Variants in GABRD observed in about 807,000 individuals in gnomAD.
GABRD encodes gamma-aminobutyric acid receptor subunit delta.
GABRD carries 25 observed loss-of-function variants against 47.3 expected under a neutral mutation model. That is an observed-to-expected ratio of 0.53 (90% CI 0.39 to 0.74). The LOEUF is 0.74. GABRD is among the 30% of genes least tolerant of loss of function. The pLI, the probability that GABRD is intolerant of heterozygous loss-of-function variation, is 0.00. For synonymous variants in GABRD, 314 were observed against 278.8 expected (o/e 1.13, Z -1.26); for missense variants, 497 against 643.4 (o/e 0.77, Z 2.46).
chr1:2,021,760 C>T (rs540751662), intron 1 of GABRD, among the ~76,000 whole-genome samples: 38 of 152,334 alleles, frequency 2.5e-4, no homozygotes, highest in Admixed American at 7.8e-4. Context: ...TGCTCCTCTT[C>T]GCCTTGGTAA....
intron 7 of GABRD, 109 bp downstream of exon 7, chr1:2,029,375 T>C: frequency 3.5e-6 from 5 of 1,435,362 alleles, no homozygotes; most frequent in East Asian, 2.5e-5. Context: ...CCATGCCAGC[T>C]GTCCTGGGGC....
intron 4 of GABRD, chr1:2,027,288 G>A (rs559189486): frequency 1.2e-5 from 6 of 490,738 alleles, no homozygotes; most frequent in South Asian, 2.0e-5. Context: ...CTCGGGCCAG[G>A]GCCTGGGTGT....
rs140855313 is a variant in GABRD at position 2,024,975 on chromosome 1, C to T, written c.102C>T (p.Ser34=). The change falls in exon 2 of 9, where the codon TCC becomes TCT. Residue 34 remains serine (S), a synonymous_variant. Transcript: ENST00000378585. ...AMNDIGDYVG[S]NLEISWLPNL... ...ATGACATCGGCGACTACGTGGGCTCCAACCTGGAGATCTCCTGGCTCCCCA... is the reference window on the plus strand; with the variant it reads ...ATGACATCGGCGACTACGTGGGCTCTAACCTGGAGATCTCCTGGCTCCCCA... 100 of 1,613,006 alleles carry T rather than the reference C, an allele frequency of 6.2e-5. No individual in the cohort carries two copies. In the African/African-American group the frequency reaches 1.2e-3, roughly 19 times the overall value.
Position 2,030,624 on chromosome 1 carries a change from T to A in GABRD, c.*342T>A, listed in dbSNP as rs1240524046. The A allele has an allele frequency of 4.5e-6, 1 of 221,438 alleles. No individual in the cohort carries two copies. The highest frequency in any genetic ancestry group is 2.3e-5 in the African/African-American group (1 of 43,936). 13.7% of individuals were successfully genotyped at this position (221,438 alleles called of 1,614,324 possible). A position where few individuals can be genotyped will look rare whatever the true frequency, so the allele number is the denominator to read the frequency against. ...GATCCTGGTTTCTAGGTCTTTGCTCTGCAGGATCGGGATCAGAGCGTGGGA... is the reference window on the plus strand; with the variant it reads ...GATCCTGGTTTCTAGGTCTTTGCTCAGCAGGATCGGGATCAGAGCGTGGGA... On this transcript the variant is annotated 3_prime_UTR_variant, in exon 9 of 9. Transcript: ENST00000378585.
rs1012547859 is a variant in GABRD at position 2,030,404 on chromosome 1, C to T, written c.*122C>T. 9.1e-6 allele frequency: 8 copies of T among 882,928 alleles called. No individual in the cohort carries two copies. The highest frequency in any genetic ancestry group is 1.7e-5 in the African/African-American group (1 of 57,244). 54.7% of individuals were successfully genotyped at this position (882,928 alleles called of 1,614,324 possible). A position where few individuals can be genotyped will look rare whatever the true frequency, so the allele number is the denominator to read the frequency against. On this transcript the variant is annotated 3_prime_UTR_variant, in exon 9 of 9. Coordinates refer to ENST00000378585, the MANE Select transcript of GABRD (RefSeq NM_000815.5). The stretch of plus-strand genomic sequence containing the variant: ...GCGTGTTTCGAAGTGGGATGACAGT[C>T]GGCCACGGAAAACAAGAGGAAGCCT...
intron 8 of GABRD, 102 bp from the exon 9 acceptor site, chr1:2,029,881 G>A: frequency 6.6e-7 from 1 of 1,517,384 alleles, no homozygotes; most frequent in South Asian, 1.1e-5. Context: ...GGCTGGAGCT[G>A]CTGGTCCAGG....
rs750302215 is a variant in GABRD, at chr1:2,030,035, C to T, written c.1112C>T (p.Thr371Met). The stretch of plus-strand genomic sequence containing the variant: ...TTCTCCCTCTCTGCTGCCGGCGTCA[C>T]GCAGGAGCTGGCCATCTCCCGCCGG... ...VLFSLSAAGV[T>M]QELAISRRQR... The change falls in exon 9 of 9, where the codon ACG becomes ATG. Residue 371 changes from threonine (T) to methionine (M), a missense_variant. Thr to Met is a moderately conservative substitution (Grantham distance 81, BLOSUM62 -1). Coordinates refer to ENST00000378585, the MANE Select transcript of GABRD (RefSeq NM_000815.5). 11 of 1,612,478 alleles carry T rather than the reference C, an allele frequency of 6.8e-6. No individual in the cohort carries two copies. The highest frequency in any genetic ancestry group is 2.2e-5 in the East Asian group (1 of 44,888).
At chr1:2,027,551 C>T (rs1162828522) in intron 4 of GABRD, 26 bp from the exon 5 acceptor site, 2 of 1,602,350 alleles carry the variant, frequency 1.2e-6, no homozygotes, top group African/African-American at 2.7e-5. Flanking sequence ...ACCCCCAAGG[C>T]CTCACTGCCA....
rs1291382332 is a variant in GABRD, at chr1:2,030,388, G to A, written c.*106G>A. 6.1e-5 allele frequency: 62 copies of A among 1,008,682 alleles called. No homozygotes were observed. The highest frequency in any genetic ancestry group is 8.0e-5 in the Non-Finnish European group (58 of 728,254). 62.5% of individuals were successfully genotyped at this position (1,008,682 alleles called of 1,614,324 possible). ...GGCTGCCTTCCCCTCTGCGTGTTTC[G>A]AAGTGGGATGACAGTCGGCCACGGA... On this transcript the variant is annotated 3_prime_UTR_variant, in exon 9 of 9. Coordinates refer to ENST00000378585, the MANE Select transcript of GABRD (RefSeq NM_000815.5).
rs745404851 is a variant in GABRD, at chr1:2,025,406, G to A, written c.249+5G>A. On this transcript the variant is annotated splice_donor_5th_base_variant and intron_variant, in intron 3 of 8. Coordinates refer to ENST00000378585, the MANE Select transcript of GABRD (RefSeq NM_000815.5). ...CACATCTCAGAGGCCAACATGGTAG[G>A]TGCCACCAGCCTCTGCCTCAGGCAC... 1 of 1,612,766 alleles carries A rather than the reference G, an allele frequency of 6.2e-7. No homozygotes were observed. The highest frequency in any genetic ancestry group is 2.2e-5 in the East Asian group (1 of 44,886).
intron 1 of GABRD, among the ~76,000 whole-genome samples, chr1:2,020,986 T>C (rs547633419): frequency 6.6e-6 from 1 of 152,320 alleles, no homozygotes; most frequent in East Asian, 1.9e-4. Flanking sequence ...AGATCCTTAA[T>C]CCTGGCCTGC....
intron 5 of GABRD, 179 bp from the exon 6 acceptor site, chr1:2,027,976 C>T (rs1277928186): frequency 1.6e-5 from 11 of 676,638 alleles, no homozygotes; most frequent in Admixed American, 2.9e-5. Flanking sequence ...TCCACCTGCC[C>T]GGAGGAGCCC....
chr1:2,025,137 C>T (rs1243052361), intron 2 of GABRD, 83 bp downstream of exon 2: 12 of 1,350,252 alleles, frequency 8.9e-6, no homozygotes, highest in Non-Finnish European at 1.1e-5. Context: ...GGGCTGTAGG[C>T]TGGCCTCTAG....
chr1:2,028,377 C>T lies in GABRD; in HGVS notation c.691+85C>T. 2 of 1,311,414 alleles carry T rather than the reference C, an allele frequency of 1.5e-6. No individual in the cohort carries two copies. Among genetic ancestry groups the T allele is most frequent in the Non-Finnish European group, 2.0e-6 (2 of 1,017,950 alleles). The allele number at this position is 1,311,414 out of a possible 1,614,324, so 81.2% of individuals were successfully genotyped here. ...CGCCCCTTCCGCGCGCGCCCACCGC[C>T]CCTTCCGCGTGCGCCCGCCTGTGGT... On this transcript the variant is annotated intron_variant, in intron 6 of 8. Transcript: ENST00000378585. The surrounding 1 kb of genome is among the most constrained non-coding windows in gnomAD (Gnocchi z 6.4).
chr1:2,029,818 C>T lies in GABRD; in HGVS notation c.1059+56C>T, dbSNP rs1030990864. 8 of 1,533,506 alleles carry T rather than the reference C, an allele frequency of 5.2e-6. No individual in the cohort carries two copies. The African/African-American group carries it at 6.8e-5, about 13-fold the overall frequency. The allele number at this position is 1,533,506 out of a possible 1,614,324, so 95.0% of individuals were successfully genotyped here. ...ACTGCTGGGGGCCCCAACCAGGACC[C>T]TTCAGCTGCCCCAGCCCACTGTGGG... On this transcript the variant is annotated intron_variant, in intron 8 of 8. Transcript: ENST00000378585.
In GABRD at chr1:2,025,745, G is replaced by A. The variant is rs533453337; in HGVS notation, c.470+7G>A. 1.9e-5 allele frequency: 30 copies of A among 1,608,868 alleles called. No individual in the cohort carries two copies. Among genetic ancestry groups the A allele is most frequent in the South Asian group, 1.3e-4 (12 of 90,988 alleles). On this transcript the variant is annotated splice_region_variant and intron_variant, in intron 4 of 8. Coordinates refer to ENST00000378585, the MANE Select transcript of GABRD (RefSeq NM_000815.5). ...TGATCCTGTACAGCATCCGGTGAGC[G>A]GGCTGCCCACCCGGACTCCGGGGGA...
Position 2,028,053 on chromosome 1 carries a change from G to T in GABRD, c.554-102G>T. The T allele has an allele frequency of 7.5e-7, 1 of 1,334,314 alleles. No homozygotes were observed. The highest frequency in any genetic ancestry group is 1.5e-5 in the African/African-American group (1 of 68,732). The allele number at this position is 1,334,314 out of a possible 1,614,324, so 82.7% of individuals were successfully genotyped here. A position where few individuals can be genotyped will look rare whatever the true frequency, so the allele number is the denominator to read the frequency against. On this transcript the variant is annotated intron_variant, in intron 5 of 8. Transcript: ENST00000378585. The surrounding 1 kb of genome is among the most constrained non-coding windows in gnomAD (Gnocchi z 6.4). Reference sequence around the variant, plus strand: ...GGTCCTGCTCGGTCCCCATCACGATGGCGTCGGCCCCCTGCAGGCTTCCTG... The same window carrying T: ...GGTCCTGCTCGGTCCCCATCACGATTGCGTCGGCCCCCTGCAGGCTTCCTG...
At position 2,030,076 on chromosome 1, in the gene GABRD, G is replaced by A. The variant is rs766244912; in HGVS notation, c.1153G>A (p.Gly385Arg). 5.0e-6 allele frequency: 8 copies of A among 1,608,596 alleles called. No homozygotes were observed. The highest frequency in any genetic ancestry group is 4.0e-5 in the African/African-American group (3 of 74,814). Reference sequence around the variant, plus strand: ...CTCCCGCCGGCAGCGCCGCGTCCCGGGGAACCTGATGGGCTCCTACAGGTC... The same window carrying A: ...CTCCCGCCGGCAGCGCCGCGTCCCGAGGAACCTGATGGGCTCCTACAGGTC... ...AISRRQRRVP[G>R]NLMGSYRSVG... The change falls in exon 9 of 9, where the codon GGG becomes AGG. Residue 385 changes from glycine (G) to arginine (R), a missense_variant. By Grantham distance (125) the Gly-to-Arg change is moderately radical. This residue lies in a region of GABRD where 121 missense variants were observed against 121.3 expected (regional missense o/e 1.00). Coordinates refer to ENST00000378585, the MANE Select transcript of GABRD (RefSeq NM_000815.5).
intron 1 of GABRD, among the ~76,000 whole-genome samples, chr1:2,022,941 A>C (rs1164126962): frequency 6.6e-6 from 1 of 152,168 alleles, no homozygotes; most frequent in Non-Finnish European, 1.5e-5. Flanking sequence ...CCAGTGTGTA[A>C]AACAAGAAGA....
Sources: allele counts gnomAD v4.1 joint callset (sites outside exome capture counted in the v4.1 genomes callset), GRCh38; gene constraint gnomAD v4.1.1; regional missense constraint gnomAD v4.1.1; non-coding constraint Gnocchi (gnomAD v3.1); transcripts MANE v1.5; gene names NCBI Gene and HGNC (gene_info 2026-07-23, HGNC 2026-07-21).